DNM1: variants seen among roughly 807,000 people sequenced by gnomAD.
The protein encoded by DNM1 is dynamin 1.
Under a neutral mutation model 104.6 loss-of-function variants are expected in DNM1, and 29 were observed. That is an observed-to-expected ratio of 0.28 (90% CI 0.21 to 0.38). DNM1 has a LOEUF of 0.38. Among genes scored for constraint, DNM1 ranks in the 10% least tolerant of loss-of-function variants. The pLI, the probability that DNM1 is intolerant of heterozygous loss-of-function variation, is 1.00. For synonymous variants in DNM1, 445 were observed against 475.8 expected, an observed-to-expected ratio of 0.94 and a Z score of 0.84; for missense variants, 640 against 1,189.4, an observed-to-expected ratio of 0.54 and a Z score of 6.79.
rs763245663 is a variant in DNM1, at chr9:128,248,605, G to T, written c.1928G>T (p.Gly643Val). 1 of 1,613,978 alleles carries T rather than the reference G, an allele frequency of 6.2e-7. No individual in the cohort carries two copies. Among genetic ancestry groups the T allele is most frequent in the Non-Finnish European group, 8.5e-7 (1 of 1,179,880 alleles). The change falls in exon 19 of 22, where the codon GGC becomes GTC. Residue 643 changes from glycine to valine, a missense_variant. Around this residue, in one of 7 missense-constraint regions of DNM1, gnomAD observed 91 missense variants for 256.3 expected, o/e 0.36. Coordinates refer to ENST00000372923, the MANE Select transcript of DNM1 (RefSeq NM_004408.4). The surrounding 1 kb of genome is among the most constrained non-coding windows in gnomAD (Gnocchi z 5.6). Reference sequence around the variant, plus strand: ...CAGGCCAGCGAGACCGAGGAGAATGGCTCCGACAGCTTCATGCATTCCATG... The same window carrying T: ...CAGGCCAGCGAGACCGAGGAGAATGTCTCCGACAGCTTCATGCATTCCATG... Reference protein sequence around the residue: ...KEKASETEENGSDSFMHSMDP... With the variant: ...KEKASETEENVSDSFMHSMDP...
intron 6 of DNM1, among the ~76,000 whole-genome samples, chr9:128,221,770 G>A (rs924182392): frequency 6.6e-6 from 1 of 152,274 alleles, no homozygotes; most frequent in East Asian, 1.9e-4. Context: ...GTGCACGCCT[G>A]TAGTCCCAGT....
intron 1 of DNM1, among the ~76,000 whole-genome samples, chr9:128,211,217 C>T (rs1228252051): frequency 3.3e-5 from 5 of 152,142 alleles, no homozygotes; most frequent in African/African-American, 9.7e-5. Flanking sequence ...ATTCCCCGCC[C>T]GACAGCATGA....
At chr9:128,217,425 G>A (rs1834678981) in intron 1 of DNM1, among the ~76,000 whole-genome samples, 1 of 152,064 alleles carries the variant, frequency 6.6e-6, no homozygotes, top group African/African-American at 2.4e-5. Context: ...TTTCTTTGTG[G>A]GTTTTTTTGA....
chr9:128,233,517 G>A (rs1481025019), intron 10 of DNM1: 3 of 157,464 alleles, frequency 1.9e-5, no homozygotes, highest in East Asian at 1.9e-4. Context: ...TGACTCAGGA[G>A]GCCAACTGGC....
At chr9:128,217,808 C>T (rs1284322346) in intron 1 of DNM1, among the ~76,000 whole-genome samples, 2 of 152,176 alleles carry the variant, frequency 1.3e-5, no homozygotes, top group East Asian at 3.9e-4. Context: ...TGCTGCCCTG[C>T]CCCACAGCGG....
At chr9:128,242,953 G>A (rs1216882241) in intron 15 of DNM1, among the ~76,000 whole-genome samples, 1 of 152,134 alleles carries the variant, frequency 6.6e-6, no homozygotes, top group Non-Finnish European at 1.5e-5. Context: ...CTGCAGCCCA[G>A]CAGCCTTCCT....
At position 128,220,416 on chromosome 9, in the gene DNM1, G is replaced by A; in HGVS notation, c.849+75G>A. ...GATAAATTAAGTGTGTTCTGAGAGT[G>A]AACAGCAGAGGTTAGCCTCTCCGTA... On this transcript the variant is annotated intron_variant, in intron 6 of 21. Coordinates refer to ENST00000372923, the MANE Select transcript of DNM1 (RefSeq NM_004408.4). This position sits in a 1 kb window ranked among gnomAD's most constrained non-coding sequence, Gnocchi z 5.2. 2 of 1,564,952 alleles carry A rather than the reference G, an allele frequency of 1.3e-6. No individual in the cohort carries two copies. Among genetic ancestry groups the A allele is most frequent in the Non-Finnish European group, 1.7e-6 (2 of 1,152,100 alleles).
rs1315712587 is a variant in DNM1 at position 128,248,438 on chromosome 9, T to C, written c.1906-145T>C. 5.8e-6 allele frequency: 5 copies of C among 856,828 alleles called. No homozygotes were observed. The African/African-American group carries it at 6.8e-5, about 12-fold the overall frequency. 53.1% of individuals were successfully genotyped at this position (856,828 alleles called of 1,614,324 possible). A position where few individuals can be genotyped will look rare whatever the true frequency, so the allele number is the denominator to read the frequency against. On this transcript the variant is annotated intron_variant, in intron 18 of 21. Coordinates refer to ENST00000372923, the MANE Select transcript of DNM1 (RefSeq NM_004408.4). This position sits in a 1 kb window ranked among gnomAD's most constrained non-coding sequence, Gnocchi z 5.6. ...TCTAGGGTCCTGAGAGGCACAGGGA[T>C]GCGGAGCCAGGTATGTATTCAGGCC...
rs1836213483 is a variant in DNM1 at position 128,239,326 on chromosome 9, A to G, written c.1423-119A>G. The G allele has an allele frequency of 1.3e-5, 10 of 752,446 alleles. No individual in the cohort carries two copies. In the Admixed American group the frequency reaches 2.0e-4, roughly 15 times the overall value. The allele number at this position is 752,446 out of a possible 1,614,324, so 46.6% of individuals were successfully genotyped here. ...GTCTTTCACTGATGGTAGGGACTAT[A>G]TTTATTATGGATACTAACCTCCTAT... On this transcript the variant is annotated intron_variant, in intron 11 of 21. Transcript: ENST00000372923.
In DNM1 at chr9:128,222,349, C is replaced by T. The variant is rs752233260; in HGVS notation, c.992+10C>T. 1 of 1,611,560 alleles carries T rather than the reference C, an allele frequency of 6.2e-7. No individual in the cohort carries two copies. Among genetic ancestry groups the T allele is most frequent in the Admixed American group, 1.7e-5 (1 of 59,860 alleles). Reference sequence around the variant, plus strand: ...CCAAGGCCCTGCTGCAGTGAGGCTCCCCCAGCTCCTATCACTGAATCCCCG... The same window carrying T: ...CCAAGGCCCTGCTGCAGTGAGGCTCTCCCAGCTCCTATCACTGAATCCCCG... On this transcript the variant is annotated intron_variant, in intron 7 of 21. Transcript: ENST00000372923. The surrounding 1 kb of genome is among the most constrained non-coding windows in gnomAD (Gnocchi z 7.8).
rs1194023335 is a variant in DNM1, at chr9:128,220,630, C to CA, written c.849+289_849+290insA. Among the ~76,000 whole-genome samples the CA allele has an allele frequency of 6.6e-6, 1 of 151,732 alleles. No homozygotes were observed. The highest frequency in any genetic ancestry group is 2.4e-5 in the African/African-American group (1 of 41,412). On this transcript the variant is annotated intron_variant, in intron 6 of 21. Coordinates refer to ENST00000372923, the MANE Select transcript of DNM1 (RefSeq NM_004408.4). This position sits in a 1 kb window ranked among gnomAD's most constrained non-coding sequence, Gnocchi z 5.2. ...ATGGGGAAGAGCTTGGGTTTGGGGG[C>CA]CAGGATTCAAGTATACTCGGCTGAA...
chr9:128,210,853 C>G (rs1260477573), intron 1 of DNM1, among the ~76,000 whole-genome samples: 1 of 152,110 alleles, frequency 6.6e-6, no homozygotes, highest in Non-Finnish European at 1.5e-5. Context: ...GTCTCCTCCT[C>G]TCCTCTTCCT....
At chr9:128,236,694 T>A (rs2131239332) in intron 11 of DNM1, among the ~76,000 whole-genome samples, 1 of 152,080 alleles carries the variant, frequency 6.6e-6, no homozygotes, top group Admixed American at 6.6e-5. Context: ...CTACAAAAAA[T>A]TTAAAAAACT....
chr9:128,225,899 G>A (rs1564335458), intron 10 of DNM1: 3 of 735,612 alleles, frequency 4.1e-6, no homozygotes, highest in South Asian at 1.7e-5. Context: ...TATCTGTGTC[G>A]ATGTCTCTCT....
Position 128,253,855 on chromosome 9 carries a change from G to A in DNM1, c.2535-799G>A. 1 of 1,170,460 alleles carries A rather than the reference G, an allele frequency of 8.5e-7. No individual in the cohort carries two copies. The highest frequency in any genetic ancestry group is 4.5e-5 in the South Asian group (1 of 22,452). 72.5% of individuals were successfully genotyped at this position (1,170,460 alleles called of 1,614,324 possible). A position where few individuals can be genotyped will look rare whatever the true frequency, so the allele number is the denominator to read the frequency against. On this transcript the variant is annotated intron_variant, in intron 21 of 21. Coordinates refer to ENST00000372923, the MANE Select transcript of DNM1 (RefSeq NM_004408.4). This position sits in a 1 kb window ranked among gnomAD's most constrained non-coding sequence, Gnocchi z 5.9. ...CCAGCTGAAGCACCGTAGCCAGCCA[G>A]CGGGCTCACGCACCTTGGCCTGTTG...
intron 1 of DNM1, among the ~76,000 whole-genome samples, chr9:128,217,880 A>G (rs1834708960): frequency 6.6e-6 from 1 of 152,134 alleles, no homozygotes; most frequent in Admixed American, 6.5e-5. Flanking sequence ...TTGGACACAT[A>G]GGCATGTGGG....
intron 11 of DNM1, among the ~76,000 whole-genome samples, chr9:128,238,345 C>T (rs1159029566): frequency 1.3e-5 from 2 of 152,150 alleles, no homozygotes; most frequent in Non-Finnish European, 2.9e-5. Context: ...CTGCCTCAGC[C>T]TCCCAAGTAG....
rs778378392 is a variant in DNM1 at position 128,247,479 on chromosome 9, G to T, written c.1886G>T (p.Arg629Leu). The T allele has an allele frequency of 1.9e-6, 3 of 1,607,430 alleles. No homozygotes were observed. The highest frequency in any genetic ancestry group is 2.6e-6 in the Non-Finnish European group (3 of 1,174,690). ...SFLRAGVYPE[R>L]VGDKEKASET... ...CTGAGGGCTGGCGTGTACCCTGAGCGTGTTGGGGTGAGTGGCAGGGCAAGG... is the reference window on the plus strand; with the variant it reads ...CTGAGGGCTGGCGTGTACCCTGAGCTTGTTGGGGTGAGTGGCAGGGCAAGG... The change falls in exon 17 of 22, where the codon CGT becomes CTT. Residue 629 changes from arginine to leucine, a missense_variant. Arg to Leu is a moderately radical substitution (Grantham distance 102, BLOSUM62 -2). Coordinates refer to ENST00000372923, the MANE Select transcript of DNM1 (RefSeq NM_004408.4). This position sits in a 1 kb window ranked among gnomAD's most constrained non-coding sequence, Gnocchi z 5.1.
rs1235334967 is a variant in DNM1 at position 128,218,649 on chromosome 9, C to A, written c.303C>A (p.Ile101=). The A allele has an allele frequency of 1.2e-6, 2 of 1,613,628 alleles. No homozygotes were observed. The highest frequency in any genetic ancestry group is 1.7e-6 in the Non-Finnish European group (2 of 1,179,744). ...ACTTCGAGGAGGTGCGCCTTGAGAT[C>A]GAGGCCGAGACCGACAGGGTCACCG... ...FTDFEEVRLE[I]EAETDRVTGT... Residue 101 remains isoleucine (I), a synonymous_variant, in exon 3 of 22, where the codon ATC becomes ATA. Transcript: ENST00000372923. This position sits in a 1 kb window ranked among gnomAD's most constrained non-coding sequence, Gnocchi z 4.8.
Sources: allele counts gnomAD v4.1 joint callset (sites outside exome capture counted in the v4.1 genomes callset), GRCh38; gene constraint gnomAD v4.1.1; regional missense constraint gnomAD v4.1.1; non-coding constraint Gnocchi (gnomAD v3.1); transcripts MANE v1.5; gene names NCBI Gene and HGNC (gene_info 2026-07-23, HGNC 2026-07-21).